GMDS: variants seen among roughly 807,000 people sequenced by gnomAD.
GMDS encodes the protein GDP-mannose 4,6-dehydratase, also known as GDP-mannose 4,6 dehydratase.
Under a neutral mutation model 49.9 loss-of-function variants are expected in GMDS, and 20 were observed. The ratio of observed to expected loss-of-function variants is 0.40; its 90% CI spans 0.28 to 0.58. The LOEUF is 0.58. GMDS is among the 20% of genes least tolerant of loss of function. GMDS has a pLI of 0.42. For missense variants in GMDS, 362 were observed against 481.4 expected (o/e 0.75, Z 2.32); for synonymous variants, 177 against 178.6 (o/e 0.99, Z 0.07).
At chr6:2,046,325 A>T (rs1480160587) in intron 4 of GMDS, among the ~76,000 whole-genome samples, 1 of 152,240 alleles carries the variant, frequency 6.6e-6, no homozygotes, top group East Asian at 1.9e-4. Context: ...TGTTTAGTGA[A>T]ATCTCTTTTT....
chr6:2,208,200 C>T lies in GMDS; in HGVS notation c.102+37121G>A, dbSNP rs72494600. Among the ~76,000 whole-genome samples, 263 of 152,284 alleles carry T rather than the reference C, an allele frequency of 1.7e-3. 10 individuals carry two copies. In the East Asian group the frequency reaches 0.045, roughly 26 times the overall value. ...GATAATCAATGACCTAGGTAGCCTC[C>T]TTCTATATCTGGCTTCTACCCTCAA... On this transcript the variant is annotated intron_variant, in intron 1 of 10. Transcript: ENST00000380815.
In GMDS at chr6:1,690,215, AG is replaced by A. The variant is rs1752087163; in HGVS notation, c.987+36200del. ...AAGAAAACATCTTTTGCTGTGCAAA[AG>A]CTCTTTAGTTTAATTAGATCCCATT... On this transcript the variant is annotated intron_variant, in intron 9 of 10. Coordinates refer to ENST00000380815, the MANE Select transcript of GMDS (RefSeq NM_001500.4). Among the ~76,000 whole-genome samples the A allele has an allele frequency of 4.6e-5, 7 of 152,214 alleles. No homozygotes were observed. In the South Asian group the frequency reaches 1.2e-3, roughly 27 times the overall value.
intron 9 of GMDS, among the ~76,000 whole-genome samples, chr6:1,671,559 T>C (rs1161919885): frequency 6.6e-6 from 1 of 152,160 alleles, no homozygotes; most frequent in East Asian, 1.9e-4. Context: ...GAATCAACGA[T>C]ATCATTCTGA....
chr6:1,716,713 C>T (rs1389203609), intron 9 of GMDS, among the ~76,000 whole-genome samples: 1 of 152,204 alleles, frequency 6.6e-6, no homozygotes, highest in African/African-American at 2.4e-5. Context: ...GCCTATGTCT[C>T]TGTTCATGCG....
At chr6:2,080,754 A>G (rs1772642980) in intron 4 of GMDS, among the ~76,000 whole-genome samples, 1 of 152,168 alleles carries the variant, frequency 6.6e-6, no homozygotes, top group African/African-American at 2.4e-5. Flanking sequence ...GTACACTGGC[A>G]CTGGTGTTAC....
At chr6:1,915,698 G>C (rs898489692) in intron 7 of GMDS, among the ~76,000 whole-genome samples, 2 of 152,240 alleles carry the variant, frequency 1.3e-5, no homozygotes, top group Non-Finnish European at 2.9e-5. Flanking sequence ...GAACGCGCCT[G>C]ATCTGGGCCA....
chr6:2,138,891 T>C (rs1336965134), intron 1 of GMDS, among the ~76,000 whole-genome samples: 1 of 152,250 alleles, frequency 6.6e-6, no homozygotes, highest in Non-Finnish European at 1.5e-5. Flanking sequence ...AGATTCATCA[T>C]GAAGTCCCTA....
chr6:2,174,320 A>G (rs918941689), intron 1 of GMDS, among the ~76,000 whole-genome samples: 2 of 152,186 alleles, frequency 1.3e-5, no homozygotes, highest in Non-Finnish European at 2.9e-5. Context: ...TCCTGCTAAG[A>G]TATCTTCAGG....
intron 4 of GMDS, among the ~76,000 whole-genome samples, chr6:2,105,577 C>T (rs1290796087): frequency 1.3e-5 from 2 of 152,206 alleles, no homozygotes; most frequent in Non-Finnish European, 2.9e-5. Context: ...TCCATGCACT[C>T]AGGGTAAAGA....
chr6:1,993,583 C>T (rs913823113), intron 4 of GMDS, among the ~76,000 whole-genome samples: 7 of 152,168 alleles, frequency 4.6e-5, no homozygotes, highest in African/African-American at 1.4e-4. Context: ...AAAAGTGCGA[C>T]GGAAGCTCTG....
At chr6:2,163,247 G>A (rs994503530) in intron 1 of GMDS, among the ~76,000 whole-genome samples, 7 of 152,168 alleles carry the variant, frequency 4.6e-5, no homozygotes, top group African/African-American at 1.4e-4. Flanking sequence ...CCTGTCATCT[G>A]CCTTGATTCT....
chr6:2,081,337 C>A (rs1038682179), intron 4 of GMDS, among the ~76,000 whole-genome samples: 2 of 152,198 alleles, frequency 1.3e-5, no homozygotes, highest in Non-Finnish European at 2.9e-5. Context: ...TCTATGCCCT[C>A]TCTGTGCAGC....
intron 2 of GMDS, among the ~76,000 whole-genome samples, chr6:2,118,122 T>G (rs1448491448): frequency 6.6e-6 from 1 of 151,914 alleles, no homozygotes; most frequent in Admixed American, 6.6e-5. Context: ...ACTACTCGAT[T>G]TAAGACCTAA....
intron 7 of GMDS, among the ~76,000 whole-genome samples, chr6:1,899,288 A>G (rs1174435865): frequency 1.5e-4 from 23 of 149,832 alleles, no homozygotes; most frequent in Admixed American, 4.0e-4. Context: ...GTTTGTTTTG[A>G]TTTGTGTTTT....
intron 7 of GMDS, among the ~76,000 whole-genome samples, chr6:1,762,575 G>A (rs1405136038): frequency 6.6e-6 from 1 of 152,212 alleles, no homozygotes; most frequent in African/African-American, 2.4e-5. Context: ...TGAAACTCTT[G>A]GCCCAGGGAA....
intron 4 of GMDS, among the ~76,000 whole-genome samples, chr6:2,020,098 G>A (rs114333971): frequency 0.018 from 2,689 of 152,222 alleles, 87 homozygotes; most frequent in African/African-American, 0.062. Flanking sequence ...TTAACCTAAA[G>A]TCTTAAACTG....
chr6:1,754,318 T>A (rs1384772970), intron 7 of GMDS, among the ~76,000 whole-genome samples: 1 of 152,092 alleles, frequency 6.6e-6, no homozygotes, highest in Non-Finnish European at 1.5e-5. Flanking sequence ...ACATACACCC[T>A]CCCAAGACTA....
rs893553256 is a variant in GMDS, at chr6:2,138,393, C to T, written c.103-13662G>A. 3.9e-5 allele frequency among the ~76,000 whole-genome samples: 6 copies of T among 152,296 alleles called. No homozygotes were observed. The East Asian group carries it at 1.2e-3, about 29-fold the overall frequency. ...TACCTGCAATAATTCCTTCTGCCAT[C>T]TCTCCATCTTAAACTGGCTTCCTCT... On this transcript the variant is annotated intron_variant, in intron 1 of 10. Coordinates refer to ENST00000380815, the MANE Select transcript of GMDS (RefSeq NM_001500.4).
chr6:1,739,390 C>T (rs765878948), intron 8 of GMDS, among the ~76,000 whole-genome samples: 10 of 152,228 alleles, frequency 6.6e-5, no homozygotes, highest in Non-Finnish European at 1.3e-4. Flanking sequence ...CCACTCCCTG[C>T]GTGCCGCGGT....
Sources: allele counts gnomAD v4.1 joint callset (sites outside exome capture counted in the v4.1 genomes callset), GRCh38; gene constraint gnomAD v4.1.1; transcripts MANE v1.5; gene names NCBI Gene and HGNC (gene_info 2026-07-23, HGNC 2026-07-21).